FHL2: variants seen among roughly 807,000 people sequenced by gnomAD.
The protein encoded by FHL2 is four and a half LIM domains protein 2.
Under a neutral mutation model 32.7 loss-of-function variants are expected in FHL2, and 20 were observed. The observed-to-expected ratio is 0.61, with a 90% CI of 0.43 to 0.89. The LOEUF (loss-of-function observed/expected upper bound fraction) is 0.89, where lower values mean the gene tolerates loss of function less well. Among genes scored for constraint, FHL2 ranks in the 40% least tolerant of loss-of-function variants. The probability of loss-of-function intolerance (pLI) is 0.00; values close to 1 mark genes in which losing one functional copy is unlikely to be tolerated. For missense variants in FHL2, 311 were observed against 358.6 expected (o/e 0.87, Z 1.07); for synonymous variants, 123 against 128.1 (o/e 0.96, Z 0.27).
intron 2 of FHL2, among the ~76,000 whole-genome samples, chr2:105,389,361 G>C (rs1341624354): frequency 6.6e-6 from 1 of 152,210 alleles, no homozygotes; most frequent in African/African-American, 2.4e-5. Flanking sequence ...TATTGGCCTT[G>C]AAAGTTGCTG....
chr2:105,380,055 A>T (rs1478543111), intron 3 of FHL2, among the ~76,000 whole-genome samples: 1 of 152,136 alleles, frequency 6.6e-6, no homozygotes, highest in Non-Finnish European at 1.5e-5. Context: ...TTCCTCCTGG[A>T]CTCGCTTCTT....
At chr2:105,429,037 C>A (rs921467128) in intron 1 of FHL2, among the ~76,000 whole-genome samples, 1 of 152,184 alleles carries the variant, frequency 6.6e-6, no homozygotes, top group African/African-American at 2.4e-5. Context: ...TAACTGTGAG[C>A]CTTTGGCGTC....
At chr2:105,401,044 T>C (rs1333621020), upstream of FHL2, among the ~76,000 whole-genome samples, 1 of 148,616 alleles carries the variant, frequency 6.7e-6, no homozygotes, top group Non-Finnish European at 1.5e-5. Context: ...CCAACTGCCA[T>C]GTATGGATCT....
chr2:105,372,556 T>C (rs2104528201), intron 4 of FHL2, among the ~76,000 whole-genome samples: 1 of 152,268 alleles, frequency 6.6e-6, no homozygotes, highest in South Asian at 2.1e-4. Flanking sequence ...ATTTCCCATA[T>C]GTCAGTCTCT....
intron 1 of FHL2, among the ~76,000 whole-genome samples, chr2:105,427,502 C>T (rs1040347791): frequency 5.3e-5 from 8 of 152,090 alleles, no homozygotes; most frequent in African/African-American, 1.9e-4. Flanking sequence ...AACAATGTCA[C>T]AAAAGAAAAG....
intron 4 of FHL2, 47 bp from the exon 5 acceptor site, chr2:105,367,786 G>A: frequency 6.4e-7 from 1 of 1,565,106 alleles, no homozygotes; most frequent in Non-Finnish European, 8.7e-7. Flanking sequence ...GGTTAGAGGG[G>A]TGTGGAGTCC....
intron 1 of FHL2, among the ~76,000 whole-genome samples, chr2:105,426,656 C>T (rs1214508779): frequency 3.9e-5 from 6 of 152,154 alleles, no homozygotes; most frequent in East Asian, 1.9e-4. Context: ...GCAAAGACCC[C>T]GAAACAATGC....
intron 3 of FHL2, 189 bp downstream of exon 3, chr2:105,386,172 T>A (rs1306956616): frequency 3.5e-6 from 2 of 564,268 alleles, no homozygotes; most frequent in African/African-American, 3.8e-5. Context: ...CCTCACCCAG[T>A]GCTTGTGGGC....
chr2:105,409,109 G>A (rs2104652938), intron 1 of FHL2, among the ~76,000 whole-genome samples: 1 of 152,344 alleles, frequency 6.6e-6, no homozygotes, highest in African/African-American at 2.4e-5. Flanking sequence ...AGCTCACAGA[G>A]AGGGAACCTC....
intron 5 of FHL2, among the ~76,000 whole-genome samples, chr2:105,366,082 G>A (rs1417783361): frequency 5.3e-5 from 8 of 151,946 alleles, no homozygotes; most frequent in Admixed American, 1.3e-4. Context: ...GGTGACGCAC[G>A]CCTGTAATCT....
At chr2:105,421,259 T>C (rs1011064349) in intron 1 of FHL2, among the ~76,000 whole-genome samples, 9 of 152,300 alleles carry the variant, frequency 5.9e-5, no homozygotes, top group African/African-American at 2.2e-4. Flanking sequence ...TCCACACAAA[T>C]TTGATTTGGT....
At chr2:105,406,882 C>T (rs1292052013) in intron 1 of FHL2, among the ~76,000 whole-genome samples, 1 of 152,156 alleles carries the variant, frequency 6.6e-6, no homozygotes, top group African/African-American at 2.4e-5. Context: ...TGGTGGACTC[C>T]TGTTTATCCT....
At position 105,432,324 on chromosome 2, in the gene FHL2, T is replaced by C. The variant is rs993882516; in HGVS notation, c.-25+6075A>G. On this transcript the variant is annotated intron_variant, in intron 1 of 5. Coordinates refer to the FHL2 transcript ENST00000393352. ...ATGCACTTTCCACATCTCAGCTTTA[T>C]GTCTTACACTCGCTATTATTTTTTC... Among the ~76,000 whole-genome samples the C allele has an allele frequency of 1.1e-4, 16 of 152,232 alleles. 1 individual carries two copies. Among genetic ancestry groups the C allele is most frequent in the African/African-American group, 3.9e-4 (16 of 41,458 alleles).
chr2:105,411,753 C>T (rs1417370131), intron 1 of FHL2, among the ~76,000 whole-genome samples: 4 of 150,918 alleles, frequency 2.7e-5, no homozygotes, highest in Non-Finnish European at 4.4e-5. Context: ...ACCCAGGAGG[C>T]GGAGGTTGTG....
intron 2 of FHL2, among the ~76,000 whole-genome samples, chr2:105,395,083 T>A (rs1412094508): frequency 6.6e-6 from 1 of 152,270 alleles, no homozygotes. Context: ...TTCCATGTGC[T>A]ACGTGAGGCA....
chr2:105,431,775 T>C (rs1010982401), intron 1 of FHL2, among the ~76,000 whole-genome samples: 1 of 152,222 alleles, frequency 6.6e-6, no homozygotes. Context: ...TGTGGTTAAA[T>C]TGGGCTCACA....
chr2:105,377,751 G>T, intron 3 of FHL2: 1 of 267,452 alleles, frequency 3.7e-6, no homozygotes, highest in Non-Finnish European at 7.4e-6. Context: ...CTCGTTTGGG[G>T]AAAAGCTGCA....
At chr2:105,396,259 G>A (rs1033234778) in intron 2 of FHL2, among the ~76,000 whole-genome samples, 16 of 152,152 alleles carry the variant, frequency 1.1e-4, no homozygotes, top group Admixed American at 9.8e-4. Context: ...GAGAGCCGAT[G>A]GTGCAAATTG....
At position 105,438,263 on chromosome 2, in the gene FHL2, C is replaced by T. The variant is rs1050809378; in HGVS notation, c.-25+136G>A. On this transcript the variant is annotated intron_variant, in intron 1 of 5. Transcript: ENST00000393352. ...CATCTCTGCTGGGGTCAGCGAGCTC[C>T]CAGTGCCTGAGAGCTTCCTCCCAGG... The T allele has an allele frequency of 1.0e-5, 7 of 691,298 alleles. 1 individual carries two copies. The Admixed American group carries it at 3.1e-4, about 31-fold the overall frequency. The allele number at this position is 691,298 out of a possible 1,614,324, so 42.8% of individuals were successfully genotyped here.
Sources: allele counts gnomAD v4.1 joint callset (sites outside exome capture counted in the v4.1 genomes callset), GRCh38; gene constraint gnomAD v4.1.1; transcripts MANE v1.5; gene names NCBI Gene and HGNC (gene_info 2026-07-23, HGNC 2026-07-21).